Variants in TANC1 observed in about 807,000 individuals in gnomAD.
TANC1 encodes tetratricopeptide repeat, ankyrin repeat and coiled-coil containing 1.
In TANC1, 77 loss-of-function variants were observed where a neutral mutation model predicts 149.7. That is an observed-to-expected ratio of 0.51 (90% confidence interval 0.43 to 0.62). The LOEUF (loss-of-function observed/expected upper bound fraction) is 0.62. Among genes scored for constraint, TANC1 ranks in the 20% least tolerant of loss-of-function variants. The pLI is 0.00. For missense variants in TANC1, 1,985 were observed against 2,321.8 expected (o/e 0.85, Z 2.98); for synonymous variants, 854 against 925.0 (o/e 0.92, Z 1.39).
intron 5 of TANC1, among the ~76,000 whole-genome samples, chr2:159,140,836 A>C (rs929702859): frequency 2.6e-5 from 4 of 151,566 alleles, no homozygotes; most frequent in Non-Finnish European, 2.9e-5. Context: ...GATTACAGGC[A>C]CCCACCGCCA....
At chr2:159,018,471 A>T (rs933060105) in intron 2 of TANC1, among the ~76,000 whole-genome samples, 1 of 150,176 alleles carries the variant, frequency 6.7e-6, no homozygotes, top group Non-Finnish European at 1.5e-5. Context: ...TTCTTTTTTT[A>T]AAAAACTGTA....
At chr2:159,229,199 A>G (rs1046881411) in intron 26 of TANC1, among the ~76,000 whole-genome samples, 2 of 152,132 alleles carry the variant, frequency 1.3e-5, no homozygotes, top group Non-Finnish European at 2.9e-5. Context: ...GAAACTGCCA[A>G]CTAGGGACAT....
intron 16 of TANC1, among the ~76,000 whole-genome samples, chr2:159,187,837 G>T (rs1045261390): frequency 5.3e-5 from 8 of 152,194 alleles, no homozygotes; most frequent in Non-Finnish European, 1.0e-4. Flanking sequence ...TAAGAAAGAT[G>T]AGAATAAAAA....
chr2:159,129,395 G>T (rs1163615626), intron 4 of TANC1, among the ~76,000 whole-genome samples: 2 of 152,136 alleles, frequency 1.3e-5, no homozygotes, highest in Non-Finnish European at 2.9e-5. Flanking sequence ...CTGGCCGCTG[G>T]GAAAGTCTAT....
intron 4 of TANC1, among the ~76,000 whole-genome samples, chr2:159,102,189 T>C (rs1574672214): frequency 1.3e-5 from 2 of 152,310 alleles, no homozygotes; most frequent in Admixed American, 1.3e-4. Flanking sequence ...ACTGTGAACA[T>C]CTTTTCTTCT....
At chr2:159,218,005 T>C (rs759569976) in intron 20 of TANC1, among the ~76,000 whole-genome samples, 10 of 152,268 alleles carry the variant, frequency 6.6e-5, no homozygotes, top group Non-Finnish European at 1.3e-4. Flanking sequence ...TCTTTTGTGC[T>C]CTTTGGAAAA....
At position 159,229,822 on chromosome 2, in the gene TANC1, C is replaced by G. The variant is rs747915954; in HGVS notation, c.4396C>G (p.Pro1466Ala). The G allele has an allele frequency of 6.2e-7, 1 of 1,614,138 alleles. No homozygotes were observed. The highest frequency in any genetic ancestry group is 1.7e-5 in the Admixed American group (1 of 60,028). ...SEETEEEETSPQEESVSPTPR... is the reference protein window; with the variant it reads ...SEETEEEETSAQEESVSPTPR... ...GGAGACTGAAGAGGAAGAAACTTCT[C>G]CCCAGGAAGAATCTGTTTCCCCAAC... The change falls in exon 27 of 27, where the codon CCC becomes GCC. Residue 1466 changes from proline (P) to alanine (A), a missense_variant. Around this residue, in one of 3 missense-constraint regions of TANC1, gnomAD observed 920 missense variants for 994.7 expected, o/e 0.92. Transcript: ENST00000263635.
intron 3 of TANC1, among the ~76,000 whole-genome samples, chr2:159,090,843 G>A (rs573886373): frequency 4.0e-4 from 61 of 152,160 alleles, no homozygotes; most frequent in Non-Finnish European, 1.8e-4. Flanking sequence ...GGAAACTAGG[G>A]TGCTTGATGA....
intron 2 of TANC1, among the ~76,000 whole-genome samples, chr2:159,058,971 A>G (rs1328142041): frequency 6.6e-6 from 1 of 152,144 alleles, no homozygotes; most frequent in African/African-American, 2.4e-5. Flanking sequence ...TTGATTTCCA[A>G]TTTCATGCCC....
At chr2:159,166,793 G>A (rs1029546728) in intron 8 of TANC1, among the ~76,000 whole-genome samples, 5 of 152,222 alleles carry the variant, frequency 3.3e-5, no homozygotes, top group Non-Finnish European at 7.3e-5. Flanking sequence ...TCTATTGGTG[G>A]CTTCGAAAAT....
chr2:159,185,925 G>A, intron 15 of TANC1, 26 bp downstream of exon 15: 1 of 1,522,070 alleles, frequency 6.6e-7, no homozygotes, highest in Middle Eastern at 1.7e-4. Flanking sequence ...ACTTGGGGAA[G>A]GGTTTCTTTG....
At chr2:159,222,867 G>T (rs1254963615) in intron 22 of TANC1, among the ~76,000 whole-genome samples, 1 of 152,216 alleles carries the variant, frequency 6.6e-6, no homozygotes, top group East Asian at 1.9e-4. Context: ...CAGTGCATAA[G>T]GGCTCCAGAA....
At chr2:159,010,486 A>G (rs982377656) in intron 2 of TANC1, among the ~76,000 whole-genome samples, 1 of 152,212 alleles carries the variant, frequency 6.6e-6, no homozygotes, top group Non-Finnish European at 1.5e-5. Context: ...GAGAATGCAA[A>G]CTTGCCCTCC....
At chr2:159,008,786 T>C (rs1045065946) in intron 2 of TANC1, among the ~76,000 whole-genome samples, 5 of 152,338 alleles carry the variant, frequency 3.3e-5, no homozygotes, top group Middle Eastern at 3.4e-3. Flanking sequence ...AATTCTTTAA[T>C]TGAATACATC....
intron 1 of TANC1, among the ~76,000 whole-genome samples, chr2:158,982,649 C>T (rs903441998): frequency 6.6e-6 from 1 of 152,178 alleles, no homozygotes; most frequent in Non-Finnish European, 1.5e-5. Context: ...GCTCTGTTGC[C>T]CAGGCTGAAG....
At chr2:159,002,510 A>G (rs1486127052) in intron 2 of TANC1, among the ~76,000 whole-genome samples, 1 of 151,360 alleles carries the variant, frequency 6.6e-6, no homozygotes, top group Non-Finnish European at 1.5e-5. Context: ...AATGGTATGA[A>G]ATGCATACAT....
chr2:159,156,150 T>C (rs1393146886), intron 7 of TANC1, among the ~76,000 whole-genome samples: 1 of 152,246 alleles, frequency 6.6e-6, no homozygotes, highest in Non-Finnish European at 1.5e-5. Context: ...TGTATCGCCC[T>C]GCTCACTACT....
chr2:159,181,602 G>A (rs181762667), intron 14 of TANC1, among the ~76,000 whole-genome samples: 67 of 152,270 alleles, frequency 4.4e-4, no homozygotes, highest in Non-Finnish European at 4.7e-4. Context: ...CGGCCCCCTC[G>A]TTAGATTTTT....
At chr2:159,066,053 C>A in intron 3 of TANC1, 82 bp downstream of exon 3, 2 of 1,120,210 alleles carry the variant, frequency 1.8e-6, no homozygotes, top group Non-Finnish European at 2.7e-6. Context: ...GGATTTGTTG[C>A]TTTGGGAGTG....
Sources: gnomAD v4.1 joint callset for allele counts (sites outside exome capture counted in the v4.1 genomes callset) on GRCh38, gnomAD v4.1.1 for gene constraint, gnomAD v4.1.1 regional missense constraint, MANE v1.5 for transcripts, NCBI Gene and HGNC (gene_info 2026-07-23, HGNC 2026-07-21) for gene names.